The following NAB2 variants were observed in gnomAD, a reference collection of about 807,000 sequenced individuals.
The protein encoded by NAB2 is NGFI-A binding protein 2.
In NAB2, 9 loss-of-function variants were observed where a neutral mutation model predicts 44.2. The observed-to-expected ratio is 0.20, with a 90% CI of 0.12 to 0.36. NAB2 has a LOEUF of 0.36. Among genes scored for constraint, NAB2 ranks in the 10% least tolerant of loss-of-function variants. The pLI, the probability that NAB2 is intolerant of heterozygous loss-of-function variation, is 1.00. For missense variants in NAB2, 514 were observed against 709.0 expected (o/e 0.73, Z 3.12); for synonymous variants, 342 against 291.0 (o/e 1.18, Z -1.78).
At position 57,091,735 on chromosome 12, in the gene NAB2, G is replaced by T. The variant is rs1442336450; in HGVS notation, c.694G>T (p.Gly232Cys). The change falls in exon 2 of 7, where the codon GGT becomes TGT. Residue 232 changes from glycine to cysteine, a missense_variant. Transcript: ENST00000300131. The surrounding 1 kb of genome is among the most constrained non-coding windows in gnomAD (Gnocchi z 7.3). Reference sequence around the variant, plus strand: ...GGGGCTGGCAGCAGGTGGGACTGGGGGTGGTCCAGACCGACTGGAGCCAGA... The same window carrying T: ...GGGGCTGGCAGCAGGTGGGACTGGGTGTGGTCCAGACCGACTGGAGCCAGA... ...AGGLAAGGTG[G>C]GPDRLEPEMV... 1 of 1,613,940 alleles carries T rather than the reference G, an allele frequency of 6.2e-7. No individual in the cohort carries two copies. The highest frequency in any genetic ancestry group is 8.5e-7 in the Non-Finnish European group (1 of 1,179,942).
At chr12:57,093,728 C>A in intron 6 of NAB2, 130 bp downstream of exon 6, 1 of 1,005,882 alleles carries the variant, frequency 9.9e-7, no homozygotes, top group Non-Finnish European at 1.4e-6. Context: ...GATGGCTGGG[C>A]TCCAGCCAGC....
At chr12:57,093,994 G>C (rs71461312) in intron 6 of NAB2, among the ~76,000 whole-genome samples, 2,447 of 152,198 alleles carry the variant, frequency 0.016, 26 homozygotes, top group Middle Eastern at 0.041. Flanking sequence ...CCAAAGCAGT[G>C]ATGCTTTGTG....
At position 57,089,469 on chromosome 12, in the gene NAB2, G is replaced by A. The variant is rs2033126804; in HGVS notation, c.83+115G>A. 4 of 802,294 alleles carry A rather than the reference G, an allele frequency of 5.0e-6. 1 individual carries two copies. The highest frequency in any genetic ancestry group is 3.5e-5 in the South Asian group (2 of 57,590). The allele number at this position is 802,294 out of a possible 1,614,324, so 49.7% of individuals were successfully genotyped here. ...CGTGGGGAAGCAGGACGGGGGTGGG[G>A]GGTGGAGACTGATGGAAAAGGGGGT... is the stretch of plus-strand genomic sequence containing the variant. On this transcript the variant is annotated intron_variant, in intron 1 of 6. Transcript: ENST00000300131.
At chr12:57,090,784 C>T (rs1402322850) in intron 1 of NAB2, among the ~76,000 whole-genome samples, 1 of 152,188 alleles carries the variant, frequency 6.6e-6, no homozygotes, top group East Asian at 1.9e-4. Flanking sequence ...TCCAGCCATC[C>T]CAGGTCGGTG....
At chr12:57,093,709 G>C in intron 6 of NAB2, 111 bp downstream of exon 6, 2 of 1,194,162 alleles carry the variant, frequency 1.7e-6, no homozygotes, top group Non-Finnish European at 2.2e-6. Flanking sequence ...TCGTCAGAGA[G>C]GGCAGTAGGA....
Position 57,091,815 on chromosome 12 carries a change from G to C in NAB2, c.774G>C (p.Arg258Ser), listed in dbSNP as rs756600654. 6.2e-7 allele frequency: 1 copy of C among 1,614,210 alleles called. No homozygotes were observed. Among genetic ancestry groups the C allele is most frequent in the Non-Finnish European group, 8.5e-7 (1 of 1,180,022 alleles). ...AGAGGATCTTCCGGAGCTTCCCAAG[G>C]GGGGATGCTGGGGAGGTCACATCCC... ...SVERIFRSFPRGDAGEVTSLL... is the reference protein window; with the variant it reads ...SVERIFRSFPSGDAGEVTSLL... Residue 258 changes from arginine (R) to serine (S), a missense_variant, in exon 2 of 7, where the codon AGG becomes AGC. Arg to Ser is a moderately radical substitution (Grantham distance 110). Coordinates refer to ENST00000300131, the MANE Select transcript of NAB2 (RefSeq NM_005967.4). The surrounding 1 kb of genome is among the most constrained non-coding windows in gnomAD (Gnocchi z 7.3).
intron 1 of NAB2, 29 bp downstream of exon 1, chr12:57,089,383 G>A: frequency 6.5e-7 from 1 of 1,546,224 alleles, no homozygotes; most frequent in Admixed American, 2.0e-5. Flanking sequence ...GCAGCGGGGA[G>A]TGGAGATGGG....
intron 1 of NAB2, 35 bp downstream of exon 1, chr12:57,089,389 A>C: frequency 2.3e-6 from 3 of 1,289,602 alleles, no homozygotes; most frequent in East Asian, 5.6e-5. Flanking sequence ...GGGAGTGGAG[A>C]TGGGTGGAGC....
At chr12:57,094,324 A>AC in intron 6 of NAB2, among the ~76,000 whole-genome samples, 1 of 150,482 alleles carries the variant, frequency 6.6e-6, no homozygotes, top group African/African-American at 2.5e-5. Flanking sequence ...GAGCCAAACC[A>AC]CCCCCGCAGC....
At position 57,092,653 on chromosome 12, in the gene NAB2, G is replaced by C. The variant is rs534932245; in HGVS notation, c.1091+72G>C. On this transcript the variant is annotated intron_variant, in intron 3 of 6. Transcript: ENST00000300131. ...GAGTTAGATCATGTCCTAACCTTCA[G>C]CTCAGGCAGCTCTAGGCCTGCTTCC... 7.0e-5 allele frequency: 109 copies of C among 1,561,028 alleles called. No individual in the cohort carries two copies. In the African/African-American group the frequency reaches 1.4e-3, roughly 20 times the overall value.
chr12:57,090,928 G>T (rs2033172133), intron 1 of NAB2, among the ~76,000 whole-genome samples, 197 bp from the exon 2 acceptor site: 1 of 152,226 alleles, frequency 6.6e-6, no homozygotes, highest in Admixed American at 6.5e-5. Context: ...GTCTAGGACG[G>T]CACTGGCTTG....
At chr12:57,093,628 C>CG in intron 6 of NAB2, 30 bp downstream of exon 6, 3 of 1,459,630 alleles carry the variant, frequency 2.1e-6, no homozygotes, top group South Asian at 1.4e-5. Flanking sequence ...TGTCCCCAAG[C>CG]ACCCCGGCCA....
At position 57,091,986 on chromosome 12, in the gene NAB2, C is replaced by T. The variant is rs373922956; in HGVS notation, c.945C>T (p.Leu315=). 8.1e-6 allele frequency: 13 copies of T among 1,607,584 alleles called. No homozygotes were observed. The highest frequency in any genetic ancestry group is 2.7e-5 in the African/African-American group (2 of 74,832). Residue 315 remains leucine (L), a synonymous_variant, in exon 2 of 7, where the codon CTC becomes CTT. Coordinates refer to ENST00000300131, the MANE Select transcript of NAB2 (RefSeq NM_005967.4). The surrounding 1 kb of genome is among the most constrained non-coding windows in gnomAD (Gnocchi z 7.3). The part of the protein sequence containing the change: ...FDSKRREGKQ[L]SLHELTINEA... ...CTAAGCGGCGGGAGGGCAAGCAGCT[C>T]AGCCTGCACGAGGTGAGAACCCCCA...
chr12:57,090,344 C>T (rs1332464921), intron 1 of NAB2, among the ~76,000 whole-genome samples: 1 of 152,178 alleles, frequency 6.6e-6, no homozygotes, highest in African/African-American at 2.4e-5. Flanking sequence ...ATTAGCCGGG[C>T]ATGGTGGCGG....
intron 6 of NAB2, among the ~76,000 whole-genome samples, chr12:57,094,365 C>G (rs1050087238): frequency 6.6e-6 from 1 of 150,814 alleles, no homozygotes; most frequent in Non-Finnish European, 1.5e-5. Context: ...CCAGCGCAAC[C>G]GAGGAGGCGG....
intron 1 of NAB2, among the ~76,000 whole-genome samples, 198 bp from the exon 2 acceptor site, chr12:57,090,927 G>A (rs962663958): frequency 6.6e-6 from 1 of 152,216 alleles, no homozygotes; most frequent in Admixed American, 6.5e-5. Flanking sequence ...AGTCTAGGAC[G>A]GCACTGGCTT....
intron 2 of NAB2, 54 bp downstream of exon 2, chr12:57,092,052 CT>C: frequency 6.5e-7 from 1 of 1,550,324 alleles, no homozygotes; most frequent in Non-Finnish European, 8.7e-7. Flanking sequence ...TCTCCAGCCG[CT>C]TACCTCTGCG....
At position 57,089,210 on chromosome 12, in the gene NAB2, C is replaced by A; in HGVS notation, c.-62C>A. The stretch of plus-strand genomic sequence containing the variant: ...GCATCGTGCGCGGGGAAGAGGGCAG[C>A]ACGCAGCAGGCGCCGAGCGCCGGGC... On this transcript the variant is annotated 5_prime_UTR_variant, in exon 1 of 7. Coordinates refer to ENST00000300131, the MANE Select transcript of NAB2 (RefSeq NM_005967.4). 1 of 1,507,138 alleles carries A rather than the reference C, an allele frequency of 6.6e-7. No homozygotes were observed. The highest frequency in any genetic ancestry group is 9.0e-7 in the Non-Finnish European group (1 of 1,110,416). 93.4% of individuals were successfully genotyped at this position (1,507,138 alleles called of 1,614,324 possible). A position where few individuals can be genotyped will look rare whatever the true frequency, so the allele number is the denominator to read the frequency against.
chr12:57,090,416 G>A (rs892233378), intron 1 of NAB2, among the ~76,000 whole-genome samples: 1 of 152,170 alleles, frequency 6.6e-6, no homozygotes, highest in Non-Finnish European at 1.5e-5. Flanking sequence ...CCCGGGAGGC[G>A]GAGGTTGCAG....
Sources: gnomAD v4.1 joint callset for allele counts (sites outside exome capture counted in the v4.1 genomes callset) on GRCh38, gnomAD v4.1.1 for gene constraint, Gnocchi (gnomAD v3.1) non-coding constraint, MANE v1.5 for transcripts, NCBI Gene and HGNC (gene_info 2026-07-23, HGNC 2026-07-21) for gene names.